The following NAV3 variants were observed in gnomAD, a reference collection of about 807,000 sequenced individuals.
NAV3 encodes the protein neuron navigator 3.
NAV3 carries 87 observed loss-of-function variants against 244.7 expected under a neutral mutation model. The ratio of observed to expected loss-of-function variants is 0.36; its 90% CI spans 0.30 to 0.42. The LOEUF (loss-of-function observed/expected upper bound fraction) is 0.42, where lower values mean the gene tolerates loss of function less well. Among genes scored for constraint, NAV3 ranks in the 20% least tolerant of loss-of-function variants. The pLI is 1.00. For synonymous variants in NAV3, 1,126 were observed against 1,042.2 expected (o/e 1.08, Z -1.55); for missense variants, 2,663 against 2,893.3 (o/e 0.92, Z 1.83).
rs746510203 is a variant in NAV3, at chr12:78,197,363, T to C, written c.6408T>C (p.Asp2136=). The change falls in exon 35 of 40, where the codon GAT becomes GAC. Residue 2136 remains aspartate (D), a synonymous_variant. Coordinates refer to ENST00000397909, the MANE Select transcript of NAV3 (RefSeq NM_001024383.2). ...TTCATCATGTGGGCTCTCTGAGTGA[T>C]ATCTTCAATGGTTTTCTCAATTGTA... ...DNLHHVGSLS[D]IFNGFLNCKY... 2 of 1,606,592 alleles carry C rather than the reference T, an allele frequency of 1.2e-6. No individual in the cohort carries two copies. Among genetic ancestry groups the C allele is most frequent in the Non-Finnish European group, 1.7e-6 (2 of 1,175,716 alleles).
intron 2 of NAV3, among the ~76,000 whole-genome samples, chr12:77,590,042 G>T (rs1419346218): frequency 6.6e-6 from 1 of 152,138 alleles, no homozygotes; most frequent in Non-Finnish European, 1.5e-5. Context: ...AGTTTTATTG[G>T]CTACTGTAAC....
chr12:78,180,743 A>G (rs1313620339), intron 29 of NAV3, 128 bp from the exon 30 acceptor site: 5 of 753,114 alleles, frequency 6.6e-6, no homozygotes, highest in Non-Finnish European at 8.4e-6. Context: ...CATATCTTAT[A>G]TTTCTTTATT....
chr12:77,658,231 C>T (rs1399013627), intron 2 of NAV3, among the ~76,000 whole-genome samples: 3 of 152,056 alleles, frequency 2.0e-5, no homozygotes, highest in Admixed American at 6.6e-5. Context: ...CCCAAAATCT[C>T]CTTAAGCTGA....
intron 2 of NAV3, among the ~76,000 whole-genome samples, chr12:77,655,535 G>A (rs1458378293): frequency 6.6e-6 from 1 of 152,178 alleles, no homozygotes; most frequent in Non-Finnish European, 1.5e-5. Context: ...ACAATGTGCA[G>A]GATATTATCC....
intron 8 of NAV3, chr12:78,010,748 GATAC>G (rs756568015): frequency 2.6e-5 from 4 of 151,848 alleles, no homozygotes; most frequent in East Asian, 3.9e-4. Flanking sequence ...AATGTATACA[GATAC>G]ATATATATAT....
intron 2 of NAV3, among the ~76,000 whole-genome samples, chr12:77,719,203 C>T (rs1005714014): frequency 6.6e-5 from 10 of 152,064 alleles, no homozygotes; most frequent in Admixed American, 5.9e-4. Flanking sequence ...TTTTTTCTAA[C>T]ATTTTTTGAA....
At chr12:78,081,419 G>A (rs1953345086) in intron 12 of NAV3, among the ~76,000 whole-genome samples, 2 of 152,122 alleles carry the variant, frequency 1.3e-5, no homozygotes, top group Non-Finnish European at 2.9e-5. Context: ...ATGGCTTGAG[G>A]GCCCTGGATT....
chr12:78,027,378 A>C lies in NAV3; in HGVS notation c.2023+5516A>C, dbSNP rs186928330. On this transcript the variant is annotated intron_variant, in intron 9 of 39. Transcript: ENST00000397909. ...GAAGACTGCTTAAGCTCAGAAGTTC[A>C]AAGCTGCAGGAGTCATGATCATGCC... Among the ~76,000 whole-genome samples, 7 of 151,788 alleles carry C rather than the reference A, an allele frequency of 4.6e-5. No homozygotes were observed. In the South Asian group the frequency reaches 1.3e-3, roughly 27 times the overall value.
chr12:77,594,983 GA>G (rs1870101789), intron 2 of NAV3, among the ~76,000 whole-genome samples: 1 of 151,874 alleles, frequency 6.6e-6, no homozygotes, highest in African/African-American at 2.4e-5. Context: ...GGCCATTATG[GA>G]AAAAAAGTAT....
intron 2 of NAV3, among the ~76,000 whole-genome samples, chr12:77,694,083 T>C (rs1490250683): frequency 6.6e-6 from 1 of 152,052 alleles, no homozygotes; most frequent in Non-Finnish European, 1.5e-5. Flanking sequence ...TCTATTCCTA[T>C]ATATCTCTAT....
intron 1 of NAV3, among the ~76,000 whole-genome samples, chr12:77,912,577 A>G (rs773423074): frequency 5.9e-5 from 9 of 152,104 alleles, no homozygotes; most frequent in Non-Finnish European, 1.3e-4. Flanking sequence ...TTTAAAACAT[A>G]CTATTATTAC....
chr12:77,828,457 G>C (rs1385847477), upstream of NAV3, among the ~76,000 whole-genome samples: 1 of 152,138 alleles, frequency 6.6e-6, no homozygotes, highest in Non-Finnish European at 1.5e-5. Context: ...CTATATTTTA[G>C]TAAGCACTCA....
intron 9 of NAV3, among the ~76,000 whole-genome samples, chr12:78,026,077 T>C (rs1182378365): frequency 1.3e-5 from 2 of 152,214 alleles, no homozygotes; most frequent in Admixed American, 1.3e-4. Context: ...AGTTATACTT[T>C]TTTTCTTGAT....
At chr12:77,647,067 T>TACACACAC (rs3046395) in intron 2 of NAV3, among the ~76,000 whole-genome samples, 3,021 of 149,750 alleles carry the variant, frequency 0.02, 115 homozygotes, top group African/African-American at 0.069. Flanking sequence ...CATATATATA[T>TACACACAC]ACACACACAC....
At chr12:77,667,111 G>A (rs1044773620) in intron 2 of NAV3, among the ~76,000 whole-genome samples, 1 of 152,180 alleles carries the variant, frequency 6.6e-6, no homozygotes, top group African/African-American at 2.4e-5. Context: ...TGCAGGAGAT[G>A]GAGTTGTAGA....
chr12:77,996,895 A>C (rs1372021630), intron 6 of NAV3, among the ~76,000 whole-genome samples: 2 of 152,220 alleles, frequency 1.3e-5, no homozygotes, highest in Non-Finnish European at 2.9e-5. Context: ...GGTGGCAGCA[A>C]ATACTAAACA....
intron 1 of NAV3, among the ~76,000 whole-genome samples, chr12:77,925,758 T>A (rs1888150878): frequency 6.6e-6 from 1 of 152,138 alleles, no homozygotes; most frequent in South Asian, 2.1e-4. Context: ...AGACACCAAC[T>A]GCAGAAAGCT....
chr12:77,947,870 A>C (rs537282245), intron 3 of NAV3, among the ~76,000 whole-genome samples: 3 of 152,206 alleles, frequency 2.0e-5, no homozygotes, highest in South Asian at 4.1e-4. Context: ...GTCAAGTTCA[A>C]ATGAAGTAAT....
intron 24 of NAV3, among the ~76,000 whole-genome samples, chr12:78,172,017 G>A (rs1250009622): frequency 6.6e-6 from 1 of 151,336 alleles, no homozygotes; most frequent in African/African-American, 2.4e-5. Context: ...TTAAGTATAG[G>A]CATTATCAGA....
Sources: allele counts gnomAD v4.1 joint callset (sites outside exome capture counted in the v4.1 genomes callset), GRCh38; gene constraint gnomAD v4.1.1; transcripts MANE v1.5; gene names NCBI Gene and HGNC (gene_info 2026-07-23, HGNC 2026-07-21).